TSC22D1: variants seen among roughly 807,000 people sequenced by gnomAD.
TSC22D1 encodes TSC22 domain family protein 1.
A neutral mutation model predicts 74.2 loss-of-function variants in TSC22D1; 9 were observed. That is an observed-to-expected ratio of 0.12 (90% CI 0.07 to 0.21). The LOEUF (loss-of-function observed/expected upper bound fraction) is 0.21, where lower values mean the gene tolerates loss of function less well. Ranked by LOEUF, TSC22D1 falls within the 10% of genes least tolerant of loss-of-function variation. The probability of loss-of-function intolerance (pLI) is 1.00; values close to 1 mark genes in which losing one functional copy is unlikely to be tolerated. For synonymous variants in TSC22D1, 586 were observed against 492.5 expected, an observed-to-expected ratio of 1.19 and a Z score of -2.51; for missense variants, 1,427 against 1,304.7, an observed-to-expected ratio of 1.09 and a Z score of -1.44.
chr13:44,532,402 G>A (rs1036902583), intron 1 of TSC22D1, among the ~76,000 whole-genome samples: 14 of 152,148 alleles, frequency 9.2e-5, no homozygotes, highest in African/African-American at 2.9e-4. Context: ...ATAAGCCCAG[G>A]CAGAGCACAT....
At chr13:44,556,179 G>GA (rs1306823487) in intron 1 of TSC22D1, among the ~76,000 whole-genome samples, 1 of 151,006 alleles carries the variant, frequency 6.6e-6, no homozygotes, top group Non-Finnish European at 1.5e-5. Flanking sequence ...ATTTATAAGT[G>GA]AATCAGGAAA....
intron 1 of TSC22D1, among the ~76,000 whole-genome samples, chr13:44,482,398 G>T (rs1324856784): frequency 1.3e-5 from 2 of 152,084 alleles, no homozygotes; most frequent in Admixed American, 6.5e-5. Flanking sequence ...AATTAGCCAG[G>T]CATGGTGGCA....
intron 1 of TSC22D1, among the ~76,000 whole-genome samples, chr13:44,520,363 G>A (rs1367929957): frequency 1.3e-5 from 2 of 152,122 alleles, no homozygotes; most frequent in Non-Finnish European, 2.9e-5. Context: ...CATATGACTA[G>A]ATACAAAGCT....
chr13:44,555,759 A>G (rs1165197513), intron 1 of TSC22D1, among the ~76,000 whole-genome samples: 1 of 152,172 alleles, frequency 6.6e-6, no homozygotes. Flanking sequence ...CAAAAAAAAA[A>G]AAGTATGAAA....
In TSC22D1 at chr13:44,537,402, A is replaced by G. The variant is rs1219772484; in HGVS notation, c.2912+35761T>C. On this transcript the variant is annotated intron_variant, in intron 1 of 2. Transcript: ENST00000458659. Reference sequence around the variant, plus strand: ...CATTTCCTTTTGCATATTTTAAGGAACAGAGCTAAAATTCAATCAAAGCAT... The same window carrying G: ...CATTTCCTTTTGCATATTTTAAGGAGCAGAGCTAAAATTCAATCAAAGCAT... The G allele has an allele frequency of 4.1e-6, 4 of 985,038 alleles. No homozygotes were observed. In the African/African-American group the frequency reaches 5.2e-5, roughly 13 times the overall value. The allele number at this position is 985,038 out of a possible 1,614,324, so 61.0% of individuals were successfully genotyped here.
chr13:44,454,920 T>G (rs571970697), intron 1 of TSC22D1, among the ~76,000 whole-genome samples: 5 of 151,846 alleles, frequency 3.3e-5, no homozygotes, highest in Admixed American at 2.6e-4. Context: ...CTGGAAATAG[T>G]TTTTTTTTAA....
At position 44,569,289 on chromosome 13, in the gene TSC22D1, G is replaced by A. The variant is rs1340900503; in HGVS notation, c.2912+3874C>T. On this transcript the variant is annotated intron_variant, in intron 1 of 2. Coordinates refer to ENST00000458659, the MANE Select transcript of TSC22D1 (RefSeq NM_183422.4). ...CAAATCTAGGCAATCTAACTCCACA[G>A]TCCATGCTCCTAACGAGCAGGCTAT... 5.9e-5 allele frequency among the ~76,000 whole-genome samples: 9 copies of A among 152,092 alleles called. No individual in the cohort carries two copies. In the South Asian group the frequency reaches 1.9e-3, roughly 31 times the overall value.
Position 44,562,976 on chromosome 13 carries a change from A to G in TSC22D1, c.2912+10187T>C, listed in dbSNP as rs1456567106. On this transcript the variant is annotated intron_variant, in intron 1 of 2. Transcript: ENST00000458659. ...AAAAATTAGCCGATCATGGTGGTGC[A>G]TTCCTGTAATCCCAGCTACTTGGGA... is the stretch of plus-strand genomic sequence containing the variant. Among the ~76,000 whole-genome samples, 13 of 152,192 alleles carry G rather than the reference A, an allele frequency of 8.5e-5. No individual in the cohort carries two copies. In the East Asian group the frequency reaches 1.9e-3, roughly 23 times the overall value.
intron 1 of TSC22D1, among the ~76,000 whole-genome samples, chr13:44,455,940 G>A (rs1023882985): frequency 5.3e-5 from 8 of 149,622 alleles, no homozygotes; most frequent in South Asian, 2.1e-4. Flanking sequence ...TGAGCAAGCC[G>A]TAAAGAAAGT....
chr13:44,466,464 T>C (rs981121167), intron 1 of TSC22D1, among the ~76,000 whole-genome samples: 5 of 152,190 alleles, frequency 3.3e-5, no homozygotes, highest in Non-Finnish European at 5.9e-5. Context: ...CAGGAGGGGA[T>C]ATTTTAAAAA....
chr13:44,544,880 A>G (rs530122587), intron 1 of TSC22D1, among the ~76,000 whole-genome samples: 50 of 152,328 alleles, frequency 3.3e-4, no homozygotes, highest in Non-Finnish European at 6.5e-4. Flanking sequence ...AGATGAAGTA[A>G]AACAGATGAA....
At position 44,575,177 on chromosome 13, in the gene TSC22D1, C is replaced by T. The variant is rs1159377144; in HGVS notation, c.898G>A (p.Gly300Ser). 3.7e-6 allele frequency: 6 copies of T among 1,614,078 alleles called. No homozygotes were observed. The highest frequency in any genetic ancestry group is 5.1e-6 in the Non-Finnish European group (6 of 1,180,044). Residue 300 changes from glycine to serine, a missense_variant, in exon 1 of 3, where the codon GGT becomes AGT. Physicochemically the swap from Gly to Ser is moderately conservative, Grantham distance 56 (BLOSUM62 0). Around this residue, in one of 3 missense-constraint regions of TSC22D1, gnomAD observed 1,343 missense variants for 1,191.5 expected, o/e 1.13. Coordinates refer to ENST00000458659, the MANE Select transcript of TSC22D1 (RefSeq NM_183422.4). ...GTAACAGAATTTATACCTATTCCAC[C>T]TGTAGTACTTGGAGCACGCATATTA... ...MTNMRAPSTTGGIGINSVTGT... is the reference protein window; with the variant it reads ...MTNMRAPSTTSGIGINSVTGT...
At chr13:44,487,796 C>T (rs1242985736) in intron 1 of TSC22D1, among the ~76,000 whole-genome samples, 1 of 152,130 alleles carries the variant, frequency 6.6e-6, no homozygotes, top group Non-Finnish European at 1.5e-5. Flanking sequence ...TTAGCTCACA[C>T]CTGTAATCCC....
chr13:44,455,204 C>T (rs953202619), intron 1 of TSC22D1, among the ~76,000 whole-genome samples: 1 of 152,114 alleles, frequency 6.6e-6, no homozygotes, highest in African/African-American at 2.4e-5. Flanking sequence ...GAAGGACTCC[C>T]TGAGAAAATG....
intron 1 of TSC22D1, among the ~76,000 whole-genome samples, chr13:44,457,393 CT>C (rs1179369398): frequency 6.6e-6 from 1 of 152,030 alleles, no homozygotes; most frequent in Non-Finnish European, 1.5e-5. Context: ...AAAAGAAAAG[CT>C]TTTAAATATT....
At chr13:44,570,188 CTTT>C (rs1258759696) in intron 1 of TSC22D1, among the ~76,000 whole-genome samples, 7 of 132,392 alleles carry the variant, frequency 5.3e-5, no homozygotes, top group Non-Finnish European at 3.3e-5. Flanking sequence ...GACATTAAGA[CTTT>C]TTTTTTTTTT....
intron 1 of TSC22D1, among the ~76,000 whole-genome samples, chr13:44,545,688 A>C (rs1595153088): frequency 2.0e-5 from 3 of 152,142 alleles, no homozygotes; most frequent in Admixed American, 6.5e-5. Context: ...GAAAACATGA[A>C]AGACCAGGCC....
At chr13:44,532,805 T>C (rs918473834) in intron 1 of TSC22D1, among the ~76,000 whole-genome samples, 2 of 152,144 alleles carry the variant, frequency 1.3e-5, no homozygotes, top group Non-Finnish European at 2.9e-5. Flanking sequence ...CTCAAAAGCA[T>C]GCTACATGAA....
Position 44,434,140 on chromosome 13 carries a change from A to G in TSC22D1, c.*486T>C, listed in dbSNP as rs79472977. 101 of 1,495,830 alleles carry G rather than the reference A, an allele frequency of 6.8e-5. 2 individuals are homozygous for G. The East Asian group carries it at 1.1e-3, about 16-fold the overall frequency. 92.7% of individuals were successfully genotyped at this position (1,495,830 alleles called of 1,614,324 possible). A position where few individuals can be genotyped will look rare whatever the true frequency, so the allele number is the denominator to read the frequency against. On this transcript the variant is annotated 3_prime_UTR_variant, in exon 3 of 3. Coordinates refer to ENST00000458659, the MANE Select transcript of TSC22D1 (RefSeq NM_183422.4). ...TTGGTGACAGTTGTCAAATTTGTACAGTGAACTCTGTTCCCCCTCATTTTA... is the reference window on the plus strand; with the variant it reads ...TTGGTGACAGTTGTCAAATTTGTACGGTGAACTCTGTTCCCCCTCATTTTA...
Sources: allele counts gnomAD v4.1 joint callset (sites outside exome capture counted in the v4.1 genomes callset), GRCh38; gene constraint gnomAD v4.1.1; regional missense constraint gnomAD v4.1.1; transcripts MANE v1.5; gene names NCBI Gene and HGNC (gene_info 2026-07-23, HGNC 2026-07-21).